NUBPL: variants seen among roughly 807,000 people sequenced by gnomAD.
NUBPL encodes the protein iron-sulfur cluster transfer protein NUBPL.
Under a neutral mutation model 45.7 loss-of-function variants are expected in NUBPL, and 31 were observed. The ratio of observed to expected loss-of-function variants is 0.68; its 90% CI spans 0.51 to 0.92. The LOEUF (loss-of-function observed/expected upper bound fraction) is 0.92. Ranked by LOEUF, NUBPL falls within the 40% of genes least tolerant of loss-of-function variation. NUBPL has a pLI of 0.00. For synonymous variants in NUBPL, 144 were observed against 140.9 expected (o/e 1.02, Z -0.15); for missense variants, 401 against 398.7 (o/e 1.01, Z -0.05).
intron 7 of NUBPL, among the ~76,000 whole-genome samples, chr14:31,795,171 C>G (rs1348859987): frequency 1.3e-5 from 2 of 151,100 alleles, no homozygotes; most frequent in East Asian, 3.9e-4. Flanking sequence ...AGTGTGATGC[C>G]TCCAGCTTTG....
rs141724000 is a variant in NUBPL, at chr14:31,612,427, G to A, written c.382+13048G>A. On this transcript the variant is annotated intron_variant, in intron 4 of 10. Transcript: ENST00000281081. ...CGCCTGTAATCCCAGCACTTGGGAG[G>A]CCAAGGCGGGCGGATCATGAGGTCA... 2.8e-3 allele frequency among the ~76,000 whole-genome samples: 421 copies of A among 152,324 alleles called. 2 individuals carry two copies. The highest frequency in any genetic ancestry group is 9.5e-3 in the African/African-American group (395 of 41,574).
At chr14:31,624,342 G>A (rs7142881) in intron 4 of NUBPL, among the ~76,000 whole-genome samples, 68,909 of 151,916 alleles carry the variant, frequency 0.45, 17,079 homozygotes, top group East Asian at 0.6. Flanking sequence ...GATGAATTAG[G>A]TTATGATATG....
chr14:31,756,374 C>A (rs1409571471), intron 6 of NUBPL, among the ~76,000 whole-genome samples: 1 of 151,814 alleles, frequency 6.6e-6, no homozygotes, highest in African/African-American at 2.4e-5. Flanking sequence ...CTTTTATTTC[C>A]TTGAGCAGTG....
chr14:31,620,185 G>C (rs565256495), intron 4 of NUBPL, among the ~76,000 whole-genome samples: 1 of 151,784 alleles, frequency 6.6e-6, no homozygotes, highest in Admixed American at 6.6e-5. Flanking sequence ...TTCATCTGAC[G>C]TTTTTTCAAG....
At chr14:31,826,821 T>C in intron 8 of NUBPL, 107 bp downstream of exon 8, 1 of 962,410 alleles carries the variant, frequency 1.0e-6, no homozygotes, top group Non-Finnish European at 1.6e-6. Flanking sequence ...TACAGAAGTC[T>C]TTATGAAAGT....
chr14:31,702,261 A>G (rs1347876023), intron 6 of NUBPL, among the ~76,000 whole-genome samples: 1 of 152,196 alleles, frequency 6.6e-6, no homozygotes, highest in Non-Finnish European at 1.5e-5. Flanking sequence ...CGGGTGTAGC[A>G]TTGCCAACCA....
At chr14:31,817,091 A>G (rs965362626) in intron 7 of NUBPL, among the ~76,000 whole-genome samples, 1 of 152,082 alleles carries the variant, frequency 6.6e-6, no homozygotes, top group African/African-American at 2.4e-5. Context: ...GAGATTGAAG[A>G]TCAACTTAAT....
chr14:31,603,611 G>T (rs2034505640), intron 4 of NUBPL, among the ~76,000 whole-genome samples: 1 of 152,128 alleles, frequency 6.6e-6, no homozygotes. Flanking sequence ...TGGTTTAGTT[G>T]TTGGAGCCAA....
chr14:31,685,700 G>GA (rs2036937256), intron 6 of NUBPL, among the ~76,000 whole-genome samples: 1 of 151,816 alleles, frequency 6.6e-6, no homozygotes, highest in Admixed American at 6.6e-5. Context: ...GTTTGGAATA[G>GA]AAAAAAAGGG....
chr14:31,809,819 T>C (rs2039764638), intron 7 of NUBPL, among the ~76,000 whole-genome samples: 1 of 150,138 alleles, frequency 6.7e-6, no homozygotes, highest in African/African-American at 2.4e-5. Context: ...ACGTTATGTC[T>C]TTGTTCTCAT....
intron 4 of NUBPL, among the ~76,000 whole-genome samples, chr14:31,635,584 G>A (rs1003331425): frequency 9.9e-5 from 15 of 151,824 alleles, no homozygotes; most frequent in African/African-American, 3.4e-4. Context: ...CTCTTTTTTG[G>A]TTCCATATGA....
Position 31,599,277 on chromosome 14 carries a change from A to T in NUBPL, c.292-12A>T, listed in dbSNP as rs747621208. 1 of 1,587,596 alleles carries T rather than the reference A, an allele frequency of 6.3e-7. No homozygotes were observed. Among genetic ancestry groups the T allele is most frequent in the Non-Finnish European group, 8.6e-7 (1 of 1,157,880 alleles). Reference sequence around the variant, plus strand: ...TTTGTTTTGTTTTATATTTTTATTTATTTTTTTACAGTCCAAGGCCATTGG... The same window carrying T: ...TTTGTTTTGTTTTATATTTTTATTTTTTTTTTTACAGTCCAAGGCCATTGG... On this transcript the variant is annotated splice_polypyrimidine_tract_variant and intron_variant, in intron 3 of 10. Transcript: ENST00000281081.
At chr14:31,672,356 A>G (rs1280016335) in intron 4 of NUBPL, among the ~76,000 whole-genome samples, 1 of 152,140 alleles carries the variant, frequency 6.6e-6, no homozygotes, top group South Asian at 2.1e-4. Flanking sequence ...TAGCATATAT[A>G]TAATTTATAT....
At chr14:31,563,478 T>G (rs578167478) in intron 2 of NUBPL, among the ~76,000 whole-genome samples, 3 of 152,336 alleles carry the variant, frequency 2.0e-5, no homozygotes, top group African/African-American at 7.2e-5. Context: ...TCACTTTTTT[T>G]CTGTTAACAT....
chr14:31,739,582 A>C (rs1002484519), intron 6 of NUBPL, among the ~76,000 whole-genome samples: 17 of 152,214 alleles, frequency 1.1e-4, no homozygotes, highest in African/African-American at 4.1e-4. Context: ...ATGCCCCAAC[A>C]CATGCATAGC....
At chr14:31,728,893 G>A (rs111729508) in intron 6 of NUBPL, among the ~76,000 whole-genome samples, 1,611 of 152,204 alleles carry the variant, frequency 0.011, 24 homozygotes, top group African/African-American at 0.037. Flanking sequence ...TTATATAGAA[G>A]GTTAACATTA....
At chr14:31,736,638 A>G (rs2139989928) in intron 6 of NUBPL, among the ~76,000 whole-genome samples, 1 of 152,288 alleles carries the variant, frequency 6.6e-6, no homozygotes, top group South Asian at 2.1e-4. Flanking sequence ...ACTTGGGGCT[A>G]TTATGAATAA....
intron 4 of NUBPL, among the ~76,000 whole-genome samples, chr14:31,612,692 A>G (rs888132876): frequency 6.6e-6 from 1 of 151,744 alleles, no homozygotes; most frequent in Non-Finnish European, 1.5e-5. Flanking sequence ...GAAAAGAAAA[A>G]AAAAGGTGCT....
At chr14:31,688,592 G>GAAAA (rs544662104) in intron 6 of NUBPL, among the ~76,000 whole-genome samples, 1 of 75,694 alleles carries the variant, frequency 1.3e-5, no homozygotes, top group Non-Finnish European at 2.9e-5. Flanking sequence ...AGAAAAAAAA[G>GAAAA]AAAAAAAAAA....
Sources: gnomAD v4.1 joint callset for allele counts (sites outside exome capture counted in the v4.1 genomes callset) on GRCh38, gnomAD v4.1.1 for gene constraint, MANE v1.5 for transcripts, NCBI Gene and HGNC (gene_info 2026-07-23, HGNC 2026-07-21) for gene names.